Variants in CCNY observed in about 807,000 individuals in gnomAD.
The protein encoded by CCNY is cyclin Y.
Under a neutral mutation model 42.8 loss-of-function variants are expected in CCNY, and 19 were observed. The observed-to-expected ratio is 0.44, with a 90% confidence interval of 0.31 to 0.65. The LOEUF is 0.65. Among genes scored for constraint, CCNY ranks in the 30% least tolerant of loss-of-function variants. CCNY has a pLI of 0.07. For missense variants in CCNY, 370 were observed against 437.3 expected (o/e 0.85, Z 1.37); for synonymous variants, 165 against 162.7 (o/e 1.01, Z -0.11).
At chr10:35,458,700 C>T (rs1164305939) in intron 1 of CCNY, among the ~76,000 whole-genome samples, 3 of 152,158 alleles carry the variant, frequency 2.0e-5, no homozygotes. Flanking sequence ...GTGTAGAATG[C>T]CAGGGACATG....
At chr10:35,565,498 A>G (rs1841551151) in intron 8 of CCNY, among the ~76,000 whole-genome samples, 1 of 152,104 alleles carries the variant, frequency 6.6e-6, no homozygotes, top group Non-Finnish European at 1.5e-5. Flanking sequence ...ACTGAGGCAG[A>G]GACTGGACAC....
chr10:35,465,938 A>AGAGAGAGTGTGTGTGTGTGTGT, intron 1 of CCNY, among the ~76,000 whole-genome samples: 1 of 80,960 alleles, frequency 1.2e-5, no homozygotes, highest in African/African-American at 4.4e-5. Flanking sequence ...AGAGAGAGAG[A>AGAGAGAGTGTGTGTGTGTGTGT]GTGTGTGTGT....
chr10:35,441,799 A>G (rs1448189018), intron 1 of CCNY, among the ~76,000 whole-genome samples: 1 of 152,224 alleles, frequency 6.6e-6, no homozygotes, highest in East Asian at 1.9e-4. Flanking sequence ...ATAAGAGTTC[A>G]TGCTGGTGTA....
chr10:35,432,545 T>C (rs1371958667), intron 1 of CCNY, among the ~76,000 whole-genome samples: 1 of 152,240 alleles, frequency 6.6e-6, no homozygotes, highest in African/African-American at 2.4e-5. Flanking sequence ...ATGATACTTT[T>C]GTGTATTTTG....
intron 3 of CCNY, among the ~76,000 whole-genome samples, chr10:35,509,752 C>T (rs1225224835): frequency 6.6e-6 from 1 of 152,220 alleles, no homozygotes; most frequent in Non-Finnish European, 1.5e-5. Flanking sequence ...GCATGGGCAT[C>T]CCCCTGTGAG....
intron 3 of CCNY, among the ~76,000 whole-genome samples, chr10:35,318,781 ACAAATTAAACCAATGTAAAC>A (rs1431835185): frequency 6.6e-6 from 1 of 152,174 alleles, no homozygotes; most frequent in Non-Finnish European, 1.5e-5. Flanking sequence ...TAAAAGAAGA[ACAAATTAAACCAATGTAAAC>A]CAAATTAAAC....
At chr10:35,461,939 C>T (rs993421286) in intron 1 of CCNY, among the ~76,000 whole-genome samples, 2 of 151,756 alleles carry the variant, frequency 1.3e-5, no homozygotes, top group African/African-American at 4.8e-5. Context: ...TTTTTTCTCC[C>T]GGCACATCCC....
chr10:35,552,214 C>G (rs1190637813), intron 7 of CCNY, among the ~76,000 whole-genome samples: 1 of 152,110 alleles, frequency 6.6e-6, no homozygotes, highest in Non-Finnish European at 1.5e-5. Context: ...TGACCCATGC[C>G]ACAACATGGG....
intron 1 of CCNY, among the ~76,000 whole-genome samples, chr10:35,366,535 A>G (rs759216222): frequency 3.3e-5 from 5 of 152,226 alleles, no homozygotes; most frequent in African/African-American, 1.2e-4. Context: ...TATTAGTGCT[A>G]TCTGTATTAA....
intron 1 of CCNY, among the ~76,000 whole-genome samples, chr10:35,454,868 T>A (rs539583616): frequency 2.4e-4 from 37 of 152,332 alleles, no homozygotes; most frequent in African/African-American, 8.2e-4. Context: ...TGCCCCACTG[T>A]AACTTCTCAG....
At chr10:35,493,193 T>C (rs2135380891) in intron 2 of CCNY, among the ~76,000 whole-genome samples, 1 of 152,298 alleles carries the variant, frequency 6.6e-6, no homozygotes, top group South Asian at 2.1e-4. Context: ...ATGTCAGTTT[T>C]CTCCGTACCT....
At chr10:35,557,620 G>C (rs1441700731) in intron 8 of CCNY, among the ~76,000 whole-genome samples, 2 of 152,130 alleles carry the variant, frequency 1.3e-5, no homozygotes, top group Non-Finnish European at 2.9e-5. Context: ...GCTGGTACTG[G>C]TGGCGCTCAC....
intron 3 of CCNY, among the ~76,000 whole-genome samples, chr10:35,327,149 A>G (rs1418404892): frequency 2.0e-5 from 3 of 152,232 alleles, no homozygotes; most frequent in African/African-American, 7.2e-5. Flanking sequence ...TTTAAAAAAG[A>G]TAAATATTTA....
intron 7 of CCNY, among the ~76,000 whole-genome samples, chr10:35,540,002 A>G (rs897102935): frequency 2.6e-5 from 4 of 152,228 alleles, no homozygotes; most frequent in Non-Finnish European, 5.9e-5. Context: ...ACATGGGAAG[A>G]TCACCTGCAA....
chr10:35,278,551 T>C (rs1018135917), intron 3 of CCNY, among the ~76,000 whole-genome samples: 1 of 152,154 alleles, frequency 6.6e-6, no homozygotes, highest in Non-Finnish European at 1.5e-5. Context: ...GAGTGTTGCA[T>C]ACAGAAAGGC....
At chr10:35,329,060 A>T (rs1040566670) in intron 3 of CCNY, among the ~76,000 whole-genome samples, 1 of 152,244 alleles carries the variant, frequency 6.6e-6, no homozygotes, top group Non-Finnish European at 1.5e-5. Flanking sequence ...TCACAGAATG[A>T]CCAAAAGTTC....
At chr10:35,517,037 T>C (rs1405909423) in intron 4 of CCNY, among the ~76,000 whole-genome samples, 1 of 152,200 alleles carries the variant, frequency 6.6e-6, no homozygotes, top group African/African-American at 2.4e-5. Flanking sequence ...ATGTTCCCAG[T>C]TGGAGACCCG....
chr10:35,396,661 T>A (rs1303946011), intron 1 of CCNY, among the ~76,000 whole-genome samples: 1 of 152,224 alleles, frequency 6.6e-6, no homozygotes, highest in Non-Finnish European at 1.5e-5. Flanking sequence ...CAGTTTCACC[T>A]AGGCCTCAGG....
chr10:35,367,001 A>G (rs1468550854), intron 1 of CCNY, among the ~76,000 whole-genome samples: 2 of 152,230 alleles, frequency 1.3e-5, no homozygotes, highest in East Asian at 1.9e-4. Context: ...CATTTACAGT[A>G]TAACTGAATT....
Sources: allele counts gnomAD v4.1 joint callset (sites outside exome capture counted in the v4.1 genomes callset), GRCh38; gene constraint gnomAD v4.1.1; transcripts MANE v1.5; gene names NCBI Gene and HGNC (gene_info 2026-07-23, HGNC 2026-07-21).